Variants in WFDC1 observed in about 807,000 individuals in gnomAD.
WFDC1 encodes the protein WAP four-disulfide core domain protein 1.
WFDC1 carries 39 observed loss-of-function variants against 32.9 expected under a neutral mutation model. The observed-to-expected ratio is 1.19, with a 90% CI of 0.92 to 1.55. The LOEUF (loss-of-function observed/expected upper bound fraction) is 1.55. WFDC1 is among the 40% of genes most tolerant of loss of function. WFDC1 has a pLI of 0.00. For missense variants in WFDC1, 386 were observed against 309.5 expected (o/e 1.25, Z -1.85); for synonymous variants, 184 against 137.4 (o/e 1.34, Z -2.37).
chr16:84,303,982 A>AT (rs772900933), intron 1 of WFDC1, among the ~76,000 whole-genome samples: 1 of 152,148 alleles, frequency 6.6e-6, no homozygotes, highest in Non-Finnish European at 1.5e-5. Context: ...TTCACTTAAT[A>AT]ATCTGTGGGA....
chr16:84,322,056 G>A (rs570824967), intron 4 of WFDC1, among the ~76,000 whole-genome samples: 6 of 152,074 alleles, frequency 3.9e-5, no homozygotes, highest in Admixed American at 1.3e-4. Context: ...CCCTGTCTTC[G>A]TAAAGGGAGG....
At chr16:84,314,110 G>C (rs534959377) in intron 2 of WFDC1, among the ~76,000 whole-genome samples, 1 of 152,124 alleles carries the variant, frequency 6.6e-6, no homozygotes, top group Non-Finnish European at 1.5e-5. Context: ...CCACTCCAAA[G>C]TGCTCAGCAC....
At chr16:84,308,951 G>T (rs1221953608) in intron 1 of WFDC1, among the ~76,000 whole-genome samples, 1 of 152,162 alleles carries the variant, frequency 6.6e-6, no homozygotes, top group Non-Finnish European at 1.5e-5. Context: ...ACCATCCTGG[G>T]TGCAGACTCA....
At chr16:84,304,252 A>T (rs1907114125) in intron 1 of WFDC1, among the ~76,000 whole-genome samples, 1 of 152,160 alleles carries the variant, frequency 6.6e-6, no homozygotes, top group Admixed American at 6.5e-5. Context: ...AAAAGGTCAT[A>T]TAGTTTCACT....
rs1471596015 is a variant in WFDC1 at position 84,305,347 on chromosome 16, G to C, written c.145-7614G>C. Among the ~76,000 whole-genome samples, 4 of 152,228 alleles carry C rather than the reference G, an allele frequency of 2.6e-5. No individual in the cohort carries two copies. In the South Asian group the frequency reaches 8.3e-4, roughly 32 times the overall value. On this transcript the variant is annotated intron_variant, in intron 1 of 6. Coordinates refer to ENST00000219454, the MANE Select transcript of WFDC1 (RefSeq NM_021197.4). ...GGGAGGGCTGGAGGCGACTTCAGGTGGTCCTCCGAGGGCAGTGCTCTTGCA... is the reference window on the plus strand; with the variant it reads ...GGGAGGGCTGGAGGCGACTTCAGGTCGTCCTCCGAGGGCAGTGCTCTTGCA...
intron 5 of WFDC1, among the ~76,000 whole-genome samples, chr16:84,324,883 T>G (rs143600637): frequency 0.026 from 3,956 of 151,100 alleles, 72 homozygotes; most frequent in Non-Finnish European, 0.033. Flanking sequence ...ATCCACCGAT[T>G]CATCCATCCA....
chr16:84,295,309 C>G (rs1906529215), intron 1 of WFDC1, 194 bp downstream of exon 1: 1 of 617,964 alleles, frequency 1.6e-6, no homozygotes, highest in Non-Finnish European at 2.7e-6. Flanking sequence ...GGACCCTTAT[C>G]TGTGAATCAA....
chr16:84,303,478 TAA>T (rs34066941), intron 1 of WFDC1, among the ~76,000 whole-genome samples: 17,440 of 142,248 alleles, frequency 0.12, 1,285 homozygotes, highest in South Asian at 0.22. Flanking sequence ...ATGTTTACTG[TAA>T]AAAAAAAAAA....
chr16:84,312,344 G>A (rs569756400), intron 1 of WFDC1, among the ~76,000 whole-genome samples: 2 of 152,038 alleles, frequency 1.3e-5, no homozygotes, highest in Non-Finnish European at 2.9e-5. Context: ...CCAGATTCCT[G>A]ACTTCTCATG....
At chr16:84,324,729 T>C (rs535214002) in intron 5 of WFDC1, among the ~76,000 whole-genome samples, 5 of 152,238 alleles carry the variant, frequency 3.3e-5, no homozygotes, top group South Asian at 2.1e-4. Flanking sequence ...ATTCAGAGAA[T>C]TGGAAAACAC....
chr16:84,296,411 G>A (rs997073248), intron 1 of WFDC1, among the ~76,000 whole-genome samples: 3 of 152,130 alleles, frequency 2.0e-5, no homozygotes, highest in Admixed American at 1.3e-4. Context: ...AATTATGAGC[G>A]GCTGCAGTGG....
chr16:84,303,655 C>T (rs1196753008), intron 1 of WFDC1, among the ~76,000 whole-genome samples: 1 of 152,302 alleles, frequency 6.6e-6, no homozygotes, highest in East Asian at 1.9e-4. Context: ...CGTACTGATT[C>T]AGATTTCTTT....
intron 1 of WFDC1, among the ~76,000 whole-genome samples, chr16:84,297,541 C>T (rs1176734368): frequency 2.1e-5 from 3 of 143,614 alleles, no homozygotes; most frequent in Non-Finnish European, 3.0e-5. Context: ...TGCTTGAACC[C>T]GGGAGGTGGA....
chr16:84,327,220 T>G (rs1908657106), intron 6 of WFDC1: 1 of 412,918 alleles, frequency 2.4e-6, no homozygotes, highest in Non-Finnish European at 4.5e-6. Flanking sequence ...AGATGGGGTC[T>G]CACTCTGTCA....
chr16:84,296,322 G>A (rs181949899), intron 1 of WFDC1, among the ~76,000 whole-genome samples: 2 of 152,222 alleles, frequency 1.3e-5, no homozygotes, highest in Non-Finnish European at 1.5e-5. Context: ...GTTCCTTGGG[G>A]TAGGGCAGGG....
rs1482387191 is a variant in WFDC1 at position 84,295,044 on chromosome 16, C to T, written c.73C>T (p.Leu25Phe). The T allele has an allele frequency of 6.2e-7, 1 of 1,614,196 alleles. No individual in the cohort carries two copies. The highest frequency in any genetic ancestry group is 8.5e-7 in the Non-Finnish European group (1 of 1,180,024). The change falls in exon 1 of 7, where the codon CTC (leucine) becomes TTC (phenylalanine). Residue 25 changes from leucine to phenylalanine, a missense_variant. Leu to Phe is a conservative substitution (Grantham distance 22). Transcript: ENST00000219454. ...CCGGGCTCTGTGCCTCTTGCTACTT[C>T]TCCTCCACGCCGGCTCTGCCAAGAA... ...IIRALCLLLL[L>F]LHAGSAKNIW...
At chr16:84,328,875 C>T (rs1908756958) in intron 6 of WFDC1, 2 of 151,780 alleles carry the variant, frequency 1.3e-5, no homozygotes, top group Admixed American at 6.6e-5. Context: ...TCACCTGAGC[C>T]TAGGGAGGTT....
intron 1 of WFDC1, among the ~76,000 whole-genome samples, chr16:84,298,557 G>A (rs112370329): frequency 7.2e-5 from 11 of 152,278 alleles, no homozygotes; most frequent in African/African-American, 2.2e-4. Flanking sequence ...CCTCACGTGG[G>A]TTGCCTGAAA....
intron 1 of WFDC1, among the ~76,000 whole-genome samples, chr16:84,311,384 A>ATTT (rs747950638): frequency 1.0e-4 from 12 of 118,342 alleles, no homozygotes; most frequent in East Asian, 8.7e-4. Flanking sequence ...CGCCCGGCTA[A>ATTT]TTTTTTTTCT....
Sources: allele counts gnomAD v4.1 joint callset (sites outside exome capture counted in the v4.1 genomes callset), GRCh38; gene constraint gnomAD v4.1.1; transcripts MANE v1.5; gene names NCBI Gene and HGNC (gene_info 2026-07-23, HGNC 2026-07-21).